ITGB3: variants seen among roughly 807,000 people sequenced by gnomAD.
ITGB3 encodes the protein integrin subunit beta 3.
Under a neutral mutation model 85.8 loss-of-function variants are expected in ITGB3, and 48 were observed. The ratio of observed to expected loss-of-function variants is 0.56; its 90% CI spans 0.44 to 0.71. The LOEUF (loss-of-function observed/expected upper bound fraction) is 0.71, where lower values mean the gene tolerates loss of function less well. ITGB3 is among the 30% of genes least tolerant of loss of function. The pLI is 0.00. For synonymous variants in ITGB3, 363 were observed against 395.6 expected (o/e 0.92, Z 0.98); for missense variants, 861 against 1,019.1 (o/e 0.84, Z 2.11).
intron 2 of ITGB3, among the ~76,000 whole-genome samples, chr17:47,275,919 G>A (rs957734752): frequency 2.6e-5 from 4 of 152,144 alleles, no homozygotes; most frequent in African/African-American, 7.2e-5. Flanking sequence ...TGGGCTGAGC[G>A]GGCTGCTCAG....
chr17:47,292,283 C>A lies in ITGB3; in HGVS notation c.1405C>A (p.Pro469Thr), dbSNP rs749146406. The A allele has an allele frequency of 6.2e-7, 1 of 1,614,206 alleles. No homozygotes were observed. The highest frequency in any genetic ancestry group is 8.5e-7 in the Non-Finnish European group (1 of 1,180,032). The part of the protein sequence containing the change: ...CDCACQAQAE[P>T]NSHRCNNGNG... The stretch of plus-strand genomic sequence containing the variant: ...CTGTGCCTGCCAGGCCCAAGCTGAA[C>A]CTAATAGCCATCGCTGCAACAATGG... The change falls in exon 10 of 15, where the codon CCT becomes ACT. Residue 469 changes from proline (P) to threonine (T), a missense_variant. Coordinates refer to ENST00000559488, the MANE Select transcript of ITGB3 (RefSeq NM_000212.3).
chr17:47,277,138 T>C (rs935757690), intron 2 of ITGB3, among the ~76,000 whole-genome samples: 3 of 152,154 alleles, frequency 2.0e-5, no homozygotes, highest in East Asian at 3.8e-4. Context: ...CGGGTTGGGT[T>C]GCTGTGCTCT....
At chr17:47,272,677 CT>C (rs774145048) in intron 1 of ITGB3, among the ~76,000 whole-genome samples, 17 of 146,402 alleles carry the variant, frequency 1.2e-4, no homozygotes, top group Non-Finnish European at 1.9e-4. Flanking sequence ...TTCTTTCTTT[CT>C]TTTTTTTTCT....
intron 1 of ITGB3, among the ~76,000 whole-genome samples, chr17:47,271,582 C>T (rs2143059963): frequency 6.6e-6 from 1 of 152,270 alleles, no homozygotes; most frequent in South Asian, 2.1e-4. Context: ...AGACAGAAAT[C>T]ATTGGTATTG....
In ITGB3 at chr17:47,302,794, T is replaced by A; in HGVS notation, c.2088T>A (p.Tyr696Ter). ...EDDCVVRFQY[Y>*]EDSSGKSILY... Reference sequence around the variant, plus strand: ...ACTGTGTCGTCAGATTCCAGTACTATGAAGATTCTAGTGGAAAGTCCATCC... The same window carrying A: ...ACTGTGTCGTCAGATTCCAGTACTAAGAAGATTCTAGTGGAAAGTCCATCC... Residue 696 changes from tyrosine to a stop codon, truncating the protein, a stop_gained, in exon 13 of 15, where the codon TAT becomes TAA. Coordinates refer to ENST00000559488, the MANE Select transcript of ITGB3 (RefSeq NM_000212.3). LOFTEE classifies it high-confidence loss of function. The A allele has an allele frequency of 3.1e-6, 5 of 1,614,116 alleles. No individual in the cohort carries two copies. Among genetic ancestry groups the A allele is most frequent in the Non-Finnish European group, 4.2e-6 (5 of 1,179,946 alleles).
chr17:47,305,409 GAC>G (rs2065183894), intron 13 of ITGB3: 1 of 152,444 alleles, frequency 6.6e-6, no homozygotes, highest in African/African-American at 2.4e-5. Flanking sequence ...GAAGGTGGGA[GAC>G]AGTGTGGAAA....
At chr17:47,290,102 ACT>A in intron 7 of ITGB3, 81 bp from the exon 8 acceptor site, 1 of 967,604 alleles carries the variant, frequency 1.0e-6, no homozygotes, top group African/African-American at 1.6e-5. Flanking sequence ...TCATCTCAGG[ACT>A]CTCAGTGGGA....
chr17:47,289,616 C>G, intron 6 of ITGB3, 65 bp from the exon 7 acceptor site: 4 of 1,185,186 alleles, frequency 3.4e-6, no homozygotes, highest in Non-Finnish European at 5.1e-6. Flanking sequence ...AAGATAAGTT[C>G]TAAGCTTTAG....
rs183992928 is a variant in ITGB3 at position 47,295,208 on chromosome 17, C to T, written c.1690+2640C>T. 1.1e-3 allele frequency among the ~76,000 whole-genome samples: 168 copies of T among 152,124 alleles called. 1 individual carries two copies. Among genetic ancestry groups the T allele is most frequent in the African/African-American group, 4.0e-3 (166 of 41,480 alleles). Reference sequence around the variant, plus strand: ...GGAATGTTATAGGAGTCCACTGGAGCGAGACTTGACTGGGGACAGGGTAGG... The same window carrying T: ...GGAATGTTATAGGAGTCCACTGGAGTGAGACTTGACTGGGGACAGGGTAGG... On this transcript the variant is annotated intron_variant, in intron 10 of 14. Transcript: ENST00000559488.
At position 47,286,250 on chromosome 17, in the gene ITGB3, C is replaced by T; in HGVS notation, c.615-10C>T. ...GGTGTCTGCTTAAATTATCTCCCAT[C>T]CCTCCCCAGTATGAAGACCACCTGC... is the stretch of plus-strand genomic sequence containing the variant. On this transcript the variant is annotated splice_polypyrimidine_tract_variant and intron_variant, in intron 4 of 14. Coordinates refer to ENST00000559488, the MANE Select transcript of ITGB3 (RefSeq NM_000212.3). 6.2e-7 allele frequency: 1 copy of T among 1,614,104 alleles called. No individual in the cohort carries two copies. The highest frequency in any genetic ancestry group is 8.5e-7 in the Non-Finnish European group (1 of 1,179,996).
chr17:47,272,041 C>T (rs1443788826), intron 1 of ITGB3, among the ~76,000 whole-genome samples: 2 of 151,206 alleles, frequency 1.3e-5, no homozygotes, highest in Non-Finnish European at 2.9e-5. Flanking sequence ...AGGCATGAGC[C>T]GCCTCACCGG....
At chr17:47,276,947 T>C (rs2065066074) in intron 2 of ITGB3, among the ~76,000 whole-genome samples, 2 of 152,300 alleles carry the variant, frequency 1.3e-5, no homozygotes, top group Admixed American at 1.3e-4. Context: ...CCAGGCAAGC[T>C]GGCAGTGCCT....
intron 2 of ITGB3, among the ~76,000 whole-genome samples, chr17:47,280,493 A>G (rs899543545): frequency 6.6e-6 from 1 of 152,118 alleles, no homozygotes; most frequent in African/African-American, 2.4e-5. Flanking sequence ...AGTAGCTGAG[A>G]TTCCAGGTGT....
rs539834727 is a variant in ITGB3, at chr17:47,310,664, A to G, written c.*460A>G. On this transcript the variant is annotated 3_prime_UTR_variant, in exon 15 of 15. Transcript: ENST00000559488. ...GGCTCTACCCTGAGTTCATAAATTT[A>G]TGGTTCTCAGGCCTGACTCTCAGCA... The G allele has an allele frequency of 1.3e-4, 32 of 246,044 alleles. No individual in the cohort carries two copies. The highest frequency in any genetic ancestry group is 6.0e-5 in the South Asian group (1 of 16,642). The allele number at this position is 246,044 out of a possible 1,614,324, so 15.2% of individuals were successfully genotyped here.
chr17:47,272,216 C>T (rs113143274), intron 1 of ITGB3, among the ~76,000 whole-genome samples: 25 of 151,902 alleles, frequency 1.6e-4, no homozygotes, highest in African/African-American at 5.6e-4. Context: ...CCACCACACC[C>T]GGCTAATTTT....
At chr17:47,273,418 C>A (rs1347248684) in intron 1 of ITGB3, among the ~76,000 whole-genome samples, 1 of 152,204 alleles carries the variant, frequency 6.6e-6, no homozygotes, top group Admixed American at 6.5e-5. Context: ...AAGGGTTCAC[C>A]TGGCTGGAGC....
intron 14 of ITGB3, 32 bp from the exon 15 acceptor site, chr17:47,310,107 C>T (rs1567771692): frequency 6.3e-7 from 1 of 1,597,358 alleles, no homozygotes; most frequent in Admixed American, 1.7e-5. Flanking sequence ...TTAAGGAAGT[C>T]ACTGTAAGAT....
intron 10 of ITGB3, among the ~76,000 whole-genome samples, chr17:47,298,126 A>G (rs1463795258): frequency 6.6e-6 from 1 of 152,132 alleles, no homozygotes; most frequent in Non-Finnish European, 1.5e-5. Context: ...TAAATAATTA[A>G]TTAATTAAAA....
intron 2 of ITGB3, among the ~76,000 whole-genome samples, chr17:47,278,316 G>GGT (rs1259860621): frequency 6.6e-5 from 10 of 152,264 alleles, no homozygotes; most frequent in South Asian, 2.1e-4. Context: ...TGCCAGGTGT[G>GGT]GTGGCTCACT....
Sources: gnomAD v4.1 joint callset for allele counts (sites outside exome capture counted in the v4.1 genomes callset) on GRCh38, gnomAD v4.1.1 for gene constraint, MANE v1.5 for transcripts, NCBI Gene and HGNC (gene_info 2026-07-23, HGNC 2026-07-21) for gene names.